The following HTR1F variants were observed in gnomAD, a reference collection of about 807,000 sequenced individuals.
HTR1F encodes the protein 5-hydroxytryptamine (serotonin) receptor 1F, G protein-coupled.
HTR1F carries 17 observed loss-of-function variants against 24.0 expected under a neutral mutation model. That is an observed-to-expected ratio of 0.71 (90% CI 0.48 to 1.06). HTR1F has a LOEUF of 1.06. HTR1F is among the 50% of genes least tolerant of loss of function. HTR1F has a pLI of 0.00. For synonymous variants in HTR1F, 186 were observed against 156.8 expected, an observed-to-expected ratio of 1.19 and a Z score of -1.39; for missense variants, 391 against 427.8, an observed-to-expected ratio of 0.91 and a Z score of 0.76.
At chr3:87,967,784 CT>C (rs1328641772) in intron 2 of HTR1F, among the ~76,000 whole-genome samples, 1 of 152,186 alleles carries the variant, frequency 6.6e-6, no homozygotes, top group Non-Finnish European at 1.5e-5. Context: ...TATTAAACCT[CT>C]TTTTCTTTAT....
intron 2 of HTR1F, among the ~76,000 whole-genome samples, chr3:87,849,013 G>T (rs367552946): frequency 6.6e-6 from 1 of 151,486 alleles, no homozygotes. Context: ...AATCAATACC[G>T]TGAAAATGGC....
chr3:87,840,734 A>C (rs1295322820), intron 2 of HTR1F, among the ~76,000 whole-genome samples: 2 of 152,008 alleles, frequency 1.3e-5, no homozygotes, highest in African/African-American at 4.8e-5. Context: ...ATATGCAATA[A>C]AATATTATTC....
intron 2 of HTR1F, among the ~76,000 whole-genome samples, chr3:87,864,539 A>G (rs1179806182): frequency 6.6e-6 from 1 of 152,168 alleles, no homozygotes; most frequent in Non-Finnish European, 1.5e-5. Flanking sequence ...GAAAGACTGT[A>G]GGTATTCTAC....
In HTR1F at chr3:87,867,593, A is replaced by G. The variant is rs150751029; in HGVS notation, c.-43+45469A>G. On this transcript the variant is annotated intron_variant, in intron 2 of 2. Coordinates refer to ENST00000319595, the MANE Select transcript of HTR1F (RefSeq NM_001322209.2). ...CTGAGTGACCTCCCCCAGAAAATCA[A>G]TGTATATATGTGCAAGATGTATGCA... 4.8e-3 allele frequency among the ~76,000 whole-genome samples: 716 copies of G among 149,098 alleles called. 8 individuals are homozygous for G. Among genetic ancestry groups the G allele is most frequent in the African/African-American group, 0.017 (688 of 41,406 alleles).
rs752297263 is a variant in HTR1F, at chr3:87,990,808, T to C, written c.59T>C (p.Met20Thr). The change falls in exon 3 of 3, where the codon ATG becomes ACG. Residue 20 changes from methionine to threonine, a missense_variant. Physicochemically the swap from Met to Thr is moderately conservative, Grantham distance 81. Coordinates refer to ENST00000319595, the MANE Select transcript of HTR1F (RefSeq NM_001322209.2). Reference protein sequence around the residue: ...NLTSEELLNRMPSKILVSLTL... With the variant: ...NLTSEELLNRTPSKILVSLTL... ...ACCTCAGAGGAACTGTTAAACAGAA[T>C]GCCATCCAAAATTCTGGTGTCCCTC... 6.2e-7 allele frequency: 1 copy of C among 1,613,944 alleles called. No homozygotes were observed. The highest frequency in any genetic ancestry group is 8.5e-7 in the Non-Finnish European group (1 of 1,179,774).
chr3:87,825,819 A>G (rs1366190657), intron 2 of HTR1F, among the ~76,000 whole-genome samples: 1 of 152,170 alleles, frequency 6.6e-6, no homozygotes, highest in Non-Finnish European at 1.5e-5. Context: ...ACCACTTGAG[A>G]CAGGAGATTC....
chr3:87,817,594 G>A lies in HTR1F; in HGVS notation c.-159-4414G>A, dbSNP rs561093057. ...TTACCGAGTGCTCTGGCATTTTGTCGTTGTTTTGAATATGAACTAACCAAC... is the reference window on the plus strand; with the variant it reads ...TTACCGAGTGCTCTGGCATTTTGTCATTGTTTTGAATATGAACTAACCAAC... On this transcript the variant is annotated intron_variant, in intron 1 of 2. Transcript: ENST00000319595. 1.4e-4 allele frequency among the ~76,000 whole-genome samples: 22 copies of A among 152,206 alleles called. 1 individual carries two copies. Among genetic ancestry groups the A allele is most frequent in the East Asian group, 7.7e-4 (4 of 5,184 alleles).
intron 2 of HTR1F, among the ~76,000 whole-genome samples, chr3:87,885,552 G>A (rs1166043446): frequency 4.6e-5 from 7 of 152,064 alleles, no homozygotes; most frequent in Non-Finnish European, 8.8e-5. Flanking sequence ...GTGAATCCAG[G>A]AGCTGTTTTT....
At chr3:87,913,821 T>C (rs1428515121) in intron 2 of HTR1F, among the ~76,000 whole-genome samples, 1 of 152,058 alleles carries the variant, frequency 6.6e-6, no homozygotes, top group African/African-American at 2.4e-5. Flanking sequence ...ATTAGGAAAC[T>C]AACACAGGAA....
At chr3:87,920,951 AC>A (rs1184970859) in intron 2 of HTR1F, among the ~76,000 whole-genome samples, 1 of 151,968 alleles carries the variant, frequency 6.6e-6, no homozygotes, top group Non-Finnish European at 1.5e-5. Flanking sequence ...TTTCTTTCTG[AC>A]TATCCTTTCC....
chr3:87,823,160 T>C (rs892953165), intron 2 of HTR1F, among the ~76,000 whole-genome samples: 33 of 152,218 alleles, frequency 2.2e-4, no homozygotes, highest in African/African-American at 7.2e-4. Flanking sequence ...AAAGTATATA[T>C]TTAATAAATG....
chr3:87,819,539 A>G (rs1428347296), intron 1 of HTR1F, among the ~76,000 whole-genome samples: 1 of 152,002 alleles, frequency 6.6e-6, no homozygotes, highest in Non-Finnish European at 1.5e-5. Context: ...TTTTTAAAAA[A>G]GGCTTTGGAT....
rs111256554 is a variant in HTR1F at position 87,830,901 on chromosome 3, G to A, written c.-43+8777G>A. 6.8e-3 allele frequency among the ~76,000 whole-genome samples: 1,037 copies of A among 152,262 alleles called. 19 individuals carry two copies. The highest frequency in any genetic ancestry group is 0.024 in the African/African-American group (991 of 41,554). On this transcript the variant is annotated intron_variant, in intron 2 of 2. Transcript: ENST00000319595. ...ACAATGAGTTCTTTCTCTAAGCAAT[G>A]TTTATGGCACATGTATTGATATTTG... is the stretch of plus-strand genomic sequence containing the variant.
chr3:87,932,050 T>C (rs1324938419), intron 2 of HTR1F, among the ~76,000 whole-genome samples: 2 of 152,212 alleles, frequency 1.3e-5, no homozygotes, highest in African/African-American at 4.8e-5. Context: ...CTAGTTTAAC[T>C]AGATCCCATT....
chr3:87,925,988 G>A (rs886195581), intron 2 of HTR1F, among the ~76,000 whole-genome samples: 1 of 152,170 alleles, frequency 6.6e-6, no homozygotes, highest in Non-Finnish European at 1.5e-5. Flanking sequence ...AGAAAGATGA[G>A]CACTGGACAC....
intron 2 of HTR1F, among the ~76,000 whole-genome samples, chr3:87,928,067 A>G (rs1487984736): frequency 7.0e-6 from 1 of 143,706 alleles, no homozygotes; most frequent in Non-Finnish European, 1.5e-5. Context: ...TTTTTTTGAG[A>G]CAGAGTCTTG....
At chr3:87,819,968 A>G (rs1214585812) in intron 1 of HTR1F, among the ~76,000 whole-genome samples, 6 of 152,116 alleles carry the variant, frequency 3.9e-5, no homozygotes, top group Non-Finnish European at 5.9e-5. Context: ...ACAATGCTAT[A>G]TATAAGTTAA....
At position 87,801,667 on chromosome 3, in the gene HTR1F, T is replaced by C. The variant is rs527378364; in HGVS notation, c.-160+8825T>C. 2.2e-4 allele frequency among the ~76,000 whole-genome samples: 33 copies of C among 152,272 alleles called. No homozygotes were observed. The South Asian group carries it at 6.8e-3, about 32-fold the overall frequency. On this transcript the variant is annotated intron_variant, in intron 1 of 2. Coordinates refer to ENST00000319595, the MANE Select transcript of HTR1F (RefSeq NM_001322209.2). ...CATTCCTTTGAGTTTCTGATTAGCCTTTCCAAAGGAGGCTATCTCAGTGAG... is the reference window on the plus strand; with the variant it reads ...CATTCCTTTGAGTTTCTGATTAGCCCTTCCAAAGGAGGCTATCTCAGTGAG...
In HTR1F at chr3:87,928,831, A is replaced by G. The variant is rs373437635; in HGVS notation, c.-42-61877A>G. ...CTTTTAAAGAGAGAAAAAGAAATAT[A>G]CATTTTGTGTGTAAGGGTACAACAT... is the stretch of plus-strand genomic sequence containing the variant. On this transcript the variant is annotated intron_variant, in intron 2 of 2. Transcript: ENST00000319595. Among the ~76,000 whole-genome samples the G allele has an allele frequency of 2.7e-4, 41 of 152,350 alleles. 1 individual carries two copies. In the South Asian group the frequency reaches 8.3e-3, roughly 31 times the overall value.
Sources: gnomAD v4.1 joint callset for allele counts (sites outside exome capture counted in the v4.1 genomes callset) on GRCh38, gnomAD v4.1.1 for gene constraint, MANE v1.5 for transcripts, NCBI Gene and HGNC (gene_info 2026-07-23, HGNC 2026-07-21) for gene names.